The following TRAPPC9 variants were observed in gnomAD, a reference collection of about 807,000 sequenced individuals.
TRAPPC9 encodes the protein IKK2 binding protein.
A neutral mutation model predicts 124.0 loss-of-function variants in TRAPPC9; 83 were observed. The ratio of observed to expected loss-of-function variants is 0.67; its 90% confidence interval spans 0.56 to 0.80. The LOEUF (loss-of-function observed/expected upper bound fraction) is 0.80. Ranked by LOEUF, TRAPPC9 falls within the 30% of genes least tolerant of loss-of-function variation. The pLI is 0.00. For synonymous variants in TRAPPC9, 638 were observed against 617.5 expected (o/e 1.03, Z -0.49); for missense variants, 1,302 against 1,508.3 (o/e 0.86, Z 2.27).
At chr8:140,371,256 C>G (rs1588233629) in intron 7 of TRAPPC9, 76 bp from the exon 8 acceptor site, 1 of 1,381,826 alleles carries the variant, frequency 7.2e-7, no homozygotes, top group East Asian at 2.5e-5. Context: ...TTAAAAATGT[C>G]TCTTCATAAA....
intron 17 of TRAPPC9, among the ~76,000 whole-genome samples, chr8:140,195,418 G>GT (rs1392898584): frequency 2.6e-5 from 4 of 151,896 alleles, no homozygotes; most frequent in African/African-American, 9.7e-5. Flanking sequence ...GATCGCATCT[G>GT]TGACACTAAA....
At chr8:139,741,724 C>T (rs1214018789) in intron 21 of TRAPPC9, among the ~76,000 whole-genome samples, 6 of 152,130 alleles carry the variant, frequency 3.9e-5, no homozygotes, top group Non-Finnish European at 7.3e-5. Flanking sequence ...TCTCCTTTCC[C>T]GCACCATACA....
chr8:139,931,368 T>C (rs1833132475), intron 19 of TRAPPC9: 2 of 152,130 alleles, frequency 1.3e-5, no homozygotes, highest in Non-Finnish European at 2.9e-5. Flanking sequence ...TTTCTGCAAG[T>C]CTTTCCTAGT....
intron 17 of TRAPPC9, among the ~76,000 whole-genome samples, chr8:140,129,722 A>G (rs2061169895): frequency 6.6e-6 from 1 of 152,200 alleles, no homozygotes; most frequent in South Asian, 2.1e-4. Context: ...CCAAGAGAAA[A>G]GGGAGTTACA....
intron 5 of TRAPPC9, among the ~76,000 whole-genome samples, chr8:140,413,360 C>T (rs2069776377): frequency 6.6e-6 from 1 of 151,962 alleles, no homozygotes; most frequent in African/African-American, 2.4e-5. Context: ...TGCACTCCAG[C>T]CTGGGCAACA....
intron 17 of TRAPPC9, among the ~76,000 whole-genome samples, chr8:140,141,200 C>A (rs1462823227): frequency 6.6e-6 from 1 of 152,110 alleles, no homozygotes; most frequent in Non-Finnish European, 1.5e-5. Flanking sequence ...TTTCAGCTGC[C>A]CGTGGTCAAC....
chr8:139,799,107 G>C (rs1415073757), intron 21 of TRAPPC9, among the ~76,000 whole-genome samples: 8 of 152,140 alleles, frequency 5.3e-5, no homozygotes, highest in Admixed American at 5.2e-4. Context: ...ATCTCATGTT[G>C]AGTTTGTAAT....
chr8:139,981,904 C>T (rs562279210), intron 19 of TRAPPC9, among the ~76,000 whole-genome samples: 1 of 152,356 alleles, frequency 6.6e-6, no homozygotes, highest in African/African-American at 2.4e-5. Context: ...CCCCAGCAGC[C>T]GCAGCGTTTG....
intron 16 of TRAPPC9, among the ~76,000 whole-genome samples, chr8:140,239,612 G>A (rs2131421703): frequency 6.6e-6 from 1 of 152,328 alleles, no homozygotes; most frequent in South Asian, 2.1e-4. Flanking sequence ...CGGCCGTGGA[G>A]GGGATGCGTG....
chr8:140,132,502 G>T (rs1282034932), intron 17 of TRAPPC9, among the ~76,000 whole-genome samples: 1 of 152,114 alleles, frequency 6.6e-6, no homozygotes, highest in African/African-American at 2.4e-5. Flanking sequence ...TGAGATTAGG[G>T]CTTTACTTTC....
At chr8:140,263,975 T>TC (rs1017694340) in intron 15 of TRAPPC9, among the ~76,000 whole-genome samples, 9 of 151,740 alleles carry the variant, frequency 5.9e-5, no homozygotes, top group Non-Finnish European at 8.8e-5. Flanking sequence ...CTGAATCCTT[T>TC]CCCCCGCTCC....
intron 20 of TRAPPC9, among the ~76,000 whole-genome samples, chr8:139,891,329 A>G (rs977612977): frequency 6.6e-6 from 1 of 152,264 alleles, no homozygotes; most frequent in Non-Finnish European, 1.5e-5. Flanking sequence ...GAAGCAAAGC[A>G]TGCATCTGGC....
chr8:139,794,861 T>C (rs184755398), intron 21 of TRAPPC9, among the ~76,000 whole-genome samples: 6 of 152,314 alleles, frequency 3.9e-5, no homozygotes, highest in African/African-American at 7.2e-5. Context: ...CCAGAAGTCA[T>C]TGGACTTTTA....
At chr8:140,412,488 C>T (rs1382231767) in intron 5 of TRAPPC9, among the ~76,000 whole-genome samples, 1 of 152,132 alleles carries the variant, frequency 6.6e-6, no homozygotes, top group Non-Finnish European at 1.5e-5. Context: ...GTATTGAATG[C>T]ATCAACGTTA....
chr8:140,173,092 T>C (rs2061996896), intron 17 of TRAPPC9, among the ~76,000 whole-genome samples: 1 of 152,204 alleles, frequency 6.6e-6, no homozygotes, highest in Non-Finnish European at 1.5e-5. Context: ...TGCTGTTCCA[T>C]AGGGTCTGCA....
chr8:140,232,056 G>A (rs561656147), intron 16 of TRAPPC9, among the ~76,000 whole-genome samples: 3 of 151,798 alleles, frequency 2.0e-5, no homozygotes, highest in Admixed American at 6.6e-5. Context: ...TTACAGGCGT[G>A]AGCCACTGTG....
At chr8:140,030,118 T>C (rs774735501) in intron 17 of TRAPPC9, among the ~76,000 whole-genome samples, 1 of 152,130 alleles carries the variant, frequency 6.6e-6, no homozygotes, top group South Asian at 2.1e-4. Flanking sequence ...CTCAGCAAAC[T>C]AGGCATAGAA....
At chr8:140,036,921 C>T (rs1369620648) in intron 17 of TRAPPC9, among the ~76,000 whole-genome samples, 2 of 152,046 alleles carry the variant, frequency 1.3e-5, no homozygotes, top group Non-Finnish European at 1.5e-5. Flanking sequence ...TAGGTATACA[C>T]ATGCCATGGT....
intron 17 of TRAPPC9, among the ~76,000 whole-genome samples, chr8:140,173,081 C>T (rs899889640): frequency 6.6e-6 from 1 of 152,190 alleles, no homozygotes; most frequent in African/African-American, 2.4e-5. Context: ...GATAATGCTA[C>T]TGCTGTTCCA....
Sources: allele counts gnomAD v4.1 joint callset (sites outside exome capture counted in the v4.1 genomes callset), GRCh38; gene constraint gnomAD v4.1.1; transcripts MANE v1.5; gene names NCBI Gene and HGNC (gene_info 2026-07-23, HGNC 2026-07-21).